DPEP1: variants seen among roughly 807,000 people sequenced by gnomAD.
The protein encoded by DPEP1 is dipeptidase 1, also known as beta-lactamase.
DPEP1 carries 50 observed loss-of-function variants against 42.3 expected under a neutral mutation model. The ratio of observed to expected loss-of-function variants is 1.18; its 90% CI spans 0.94 to 1.50. The LOEUF (loss-of-function observed/expected upper bound fraction) is 1.50, where lower values mean the gene tolerates loss of function less well. Ranked by LOEUF, DPEP1 falls within the 40% of genes most tolerant of loss-of-function variation. The probability of loss-of-function intolerance (pLI) is 0.00; values close to 1 mark genes in which losing one functional copy is unlikely to be tolerated. For missense variants in DPEP1, 663 were observed against 553.0 expected (o/e 1.20, Z -1.99); for synonymous variants, 297 against 234.0 (o/e 1.27, Z -2.46).
Position 89,630,529 on chromosome 16 carries a change from G to A in DPEP1, c.104+15G>A, listed in dbSNP as rs778208679. The A allele has an allele frequency of 1.9e-6, 3 of 1,546,880 alleles. No individual in the cohort carries two copies. The highest frequency in any genetic ancestry group is 1.4e-5 in the African/African-American group (1 of 69,582). On this transcript the variant is annotated intron_variant, in intron 2 of 10. Transcript: ENST00000690203. ...GTCATTGATGGGTGAGTGCTCACCT[G>A]AGCCAGGTGCTTAGGGAACCAGGAC...
Position 89,615,416 on chromosome 16 carries a change from G to C in DPEP1, c.-107+1697G>C, listed in dbSNP as rs559966798. 2.0e-5 allele frequency among the ~76,000 whole-genome samples: 3 copies of C among 152,346 alleles called. No homozygotes were observed. The South Asian group carries it at 6.2e-4, about 32-fold the overall frequency. ...GAGTCTCTGGACCTGTGTCCTGTGC[G>C]TACATCCTGGCTCCATCTCCCATGA... On this transcript the variant is annotated intron_variant, in intron 1 of 10. Transcript: ENST00000690203.
intron 1 of DPEP1, among the ~76,000 whole-genome samples, chr16:89,615,287 G>T (rs1459577908): frequency 6.6e-6 from 1 of 152,204 alleles, no homozygotes; most frequent in East Asian, 1.9e-4. Flanking sequence ...AGCCGCCCCT[G>T]AGGGGTGGCC....
chr16:89,640,463 G>C (rs1379494217), downstream of DPEP1: 1 of 692,094 alleles, frequency 1.4e-6, no homozygotes, highest in African/African-American at 2.0e-5. Flanking sequence ...TCGAGGAGCA[G>C]GGGGCTCCGG....
intron 1 of DPEP1, among the ~76,000 whole-genome samples, chr16:89,623,895 A>G (rs910489325): frequency 6.6e-6 from 1 of 152,096 alleles, no homozygotes; most frequent in Admixed American, 6.5e-5. Flanking sequence ...AAAGCCTCAC[A>G]CTAAAGCACG....
chr16:89,634,844 CT>C (rs1275124256), intron 2 of DPEP1, among the ~76,000 whole-genome samples: 3 of 46,486 alleles, frequency 6.5e-5, no homozygotes, highest in Admixed American at 2.1e-4. Context: ...TCCCTTCCTT[CT>C]CCTTTCCCTT....
chr16:89,617,908 C>G (rs1008580062), intron 1 of DPEP1, among the ~76,000 whole-genome samples: 12 of 152,094 alleles, frequency 7.9e-5, no homozygotes, highest in Non-Finnish European at 1.8e-4. Context: ...CCTGTAATCC[C>G]AGCTACTCGG....
chr16:89,629,924 A>G (rs1020563389), intron 1 of DPEP1, among the ~76,000 whole-genome samples: 3 of 152,172 alleles, frequency 2.0e-5, no homozygotes, highest in Admixed American at 2.0e-4. Context: ...TTTTACGTGG[A>G]AAGGGGTGCT....
At chr16:89,630,989 C>T (rs1346731689) in intron 2 of DPEP1, among the ~76,000 whole-genome samples, 4 of 152,038 alleles carry the variant, frequency 2.6e-5, no homozygotes, top group African/African-American at 9.7e-5. Flanking sequence ...AGGAAGGAGG[C>T]AAGGCCACAC....
chr16:89,614,664 G>T (rs542527052), intron 1 of DPEP1, among the ~76,000 whole-genome samples: 1 of 152,160 alleles, frequency 6.6e-6, no homozygotes. Context: ...GCGTGGTGGC[G>T]GGCGCCTGTA....
intron 1 of DPEP1, among the ~76,000 whole-genome samples, chr16:89,623,907 G>A (rs1363626139): frequency 1.3e-5 from 2 of 152,154 alleles, no homozygotes; most frequent in African/African-American, 4.8e-5. Context: ...TAAAGCACGT[G>A]GCTGAGAAGT....
intron 1 of DPEP1, among the ~76,000 whole-genome samples, chr16:89,625,257 T>G (rs781455681): frequency 9.9e-5 from 15 of 152,044 alleles, no homozygotes; most frequent in Non-Finnish European, 1.6e-4. Flanking sequence ...CAGCACGAAT[T>G]GGCCTAAGTT....
intron 1 of DPEP1, among the ~76,000 whole-genome samples, chr16:89,629,680 G>A (rs1567986526): frequency 2.6e-5 from 4 of 152,202 alleles, no homozygotes; most frequent in Admixed American, 2.6e-4. Flanking sequence ...GAGCCCTCGG[G>A]CGACTTGAAT....
chr16:89,638,017 G>A, intron 10 of DPEP1, 35 bp from the exon 11 acceptor site: 11 of 1,610,142 alleles, frequency 6.8e-6, no homozygotes, highest in Non-Finnish European at 9.3e-6. Context: ...ACCACCAGCA[G>A]GCAGGCTGCC....
intron 1 of DPEP1, among the ~76,000 whole-genome samples, chr16:89,628,391 G>A (rs2059544785): frequency 6.6e-6 from 1 of 150,920 alleles, no homozygotes; most frequent in South Asian, 2.1e-4. Context: ...CCGAGTAGCT[G>A]GGATTACAGG....
At chr16:89,641,219 G>T (rs2059740236), downstream of DPEP1, among the ~76,000 whole-genome samples, 1 of 88,670 alleles carries the variant, frequency 1.1e-5, no homozygotes, top group African/African-American at 5.3e-5. Context: ...CCGGAGGGCT[G>T]CGGGGGGGGG....
chr16:89,624,964 C>T (rs1406751426), intron 1 of DPEP1, among the ~76,000 whole-genome samples: 1 of 152,206 alleles, frequency 6.6e-6, no homozygotes, highest in East Asian at 1.9e-4. Context: ...CGCAGCCAGT[C>T]CACAGCACTT....
chr16:89,626,344 TG>T (rs1267159329), intron 1 of DPEP1: 1 of 152,208 alleles, frequency 6.6e-6, no homozygotes, highest in Non-Finnish European at 1.5e-5. Flanking sequence ...TTGTTGTTTT[TG>T]TTGGTGGTGG....
chr16:89,615,804 G>A (rs1403733903), intron 1 of DPEP1, among the ~76,000 whole-genome samples: 1 of 152,224 alleles, frequency 6.6e-6, no homozygotes, highest in African/African-American at 2.4e-5. Flanking sequence ...GGGCCCCGGG[G>A]TCCTGGCCGG....
At chr16:89,637,134 G>A (rs578190474) in intron 6 of DPEP1, 70 bp from the exon 7 acceptor site, 83 of 1,565,882 alleles carry the variant, frequency 5.3e-5, no homozygotes, top group Admixed American at 5.3e-4. Context: ...CTCACATCTG[G>A]TCCAGCCCGT....
Sources: gnomAD v4.1 joint callset for allele counts (sites outside exome capture counted in the v4.1 genomes callset) on GRCh38, gnomAD v4.1.1 for gene constraint, MANE v1.5 for transcripts, NCBI Gene and HGNC (gene_info 2026-07-23, HGNC 2026-07-21) for gene names.